Variants in RORB observed in about 807,000 individuals in gnomAD.
The protein encoded by RORB is RAR related orphan receptor B.
Under a neutral mutation model 59.1 loss-of-function variants are expected in RORB, and 6 were observed. That is an observed-to-expected ratio of 0.10 (90% CI 0.06 to 0.20). The LOEUF (loss-of-function observed/expected upper bound fraction) is 0.20, where lower values mean the gene tolerates loss of function less well. Among genes scored for constraint, RORB ranks in the 10% least tolerant of loss-of-function variants. RORB has a pLI of 1.00. For missense variants in RORB, 320 were observed against 560.5 expected (o/e 0.57, Z 4.33); for synonymous variants, 215 against 204.5 (o/e 1.05, Z -0.44).
At chr9:74,607,773 A>G (rs1317737997) in intron 1 of RORB, among the ~76,000 whole-genome samples, 1 of 152,296 alleles carries the variant, frequency 6.6e-6, no homozygotes, top group East Asian at 1.9e-4. Flanking sequence ...GTAAAGTGGT[A>G]TCATTGGTAG....
At chr9:74,640,172 C>G (rs1004290027) in intron 3 of RORB, among the ~76,000 whole-genome samples, 1 of 152,156 alleles carries the variant, frequency 6.6e-6, no homozygotes, top group Non-Finnish European at 1.5e-5. Flanking sequence ...ATAATTATCA[C>G]TTTGTTTTCC....
intron 1 of RORB, among the ~76,000 whole-genome samples, chr9:74,594,291 A>G (rs1170144586): frequency 6.6e-6 from 1 of 152,178 alleles, no homozygotes; most frequent in Non-Finnish European, 1.5e-5. Context: ...AGCACTGCCC[A>G]TGATGCATCC....
intron 1 of RORB, among the ~76,000 whole-genome samples, chr9:74,597,509 T>A (rs1211404433): frequency 2.0e-5 from 3 of 152,230 alleles, no homozygotes; most frequent in African/African-American, 7.2e-5. Context: ...CATAACTATA[T>A]CATTTTGGCA....
At chr9:74,536,232 A>G (rs1275694936) in intron 1 of RORB, among the ~76,000 whole-genome samples, 1 of 151,966 alleles carries the variant, frequency 6.6e-6, no homozygotes, top group East Asian at 1.9e-4. Flanking sequence ...TTACTGTGCT[A>G]AAAAAGGGCG....
rs1247870429 is a variant in RORB, at chr9:74,666,810, T to G, written c.1001-981T>G. Among the ~76,000 whole-genome samples, 3 of 152,176 alleles carry G rather than the reference T, an allele frequency of 2.0e-5. No individual in the cohort carries two copies. The East Asian group carries it at 5.8e-4, about 29-fold the overall frequency. On this transcript the variant is annotated intron_variant, in intron 7 of 9. Coordinates refer to ENST00000376896, the MANE Select transcript of RORB (RefSeq NM_006914.4). ...AACAGAGTCAGTCTTTGTTTGGAAG[T>G]GTTATATATCATCACATCCAGTCAT...
At chr9:74,533,052 G>A (rs1044702439) in intron 1 of RORB, among the ~76,000 whole-genome samples, 1 of 151,666 alleles carries the variant, frequency 6.6e-6, no homozygotes. Flanking sequence ...TCTTGAGATA[G>A]GCATCATTTT....
chr9:74,498,241 C>T (rs1825741522), intron 1 of RORB: 2 of 577,882 alleles, frequency 3.5e-6, no homozygotes, highest in Non-Finnish European at 6.2e-6. Context: ...TTGGTTCTTA[C>T]CAGTCCTTGA....
intron 5 of RORB, 31 bp downstream of exon 5, chr9:74,660,769 T>G (rs753753685): frequency 6.2e-7 from 1 of 1,601,910 alleles, no homozygotes; most frequent in Middle Eastern, 1.7e-4. Context: ...AAAGTTTTTC[T>G]GTGATTACCC....
At chr9:74,630,133 AT>A in intron 1 of RORB, 148 bp from the exon 2 acceptor site, 1 of 920,488 alleles carries the variant, frequency 1.1e-6, no homozygotes, top group Non-Finnish European at 1.5e-6. Context: ...AGCCATGCAA[AT>A]ACTAATGGAT....
At chr9:74,674,237 G>A (rs1463217150) in intron 9 of RORB, among the ~76,000 whole-genome samples, 2 of 152,134 alleles carry the variant, frequency 1.3e-5, no homozygotes, top group Non-Finnish European at 2.9e-5. Context: ...TTATGCCATT[G>A]TAGTCATGGA....
chr9:74,681,556 C>T (rs1824547631), intron 9 of RORB, among the ~76,000 whole-genome samples: 1 of 152,186 alleles, frequency 6.6e-6, no homozygotes, highest in African/African-American at 2.4e-5. Context: ...CCATCCAGCC[C>T]ATTCTATAGA....
chr9:74,630,128 T>C, intron 1 of RORB, 154 bp from the exon 2 acceptor site: 4 of 542,120 alleles, frequency 7.4e-6, no homozygotes, highest in Non-Finnish European at 9.4e-6. Context: ...AGGACAGCCA[T>C]GCAAATACTA....
chr9:74,651,507 C>T lies in RORB; in HGVS notation c.637+8692C>T, dbSNP rs536987039. 8.7e-5 allele frequency among the ~76,000 whole-genome samples: 13 copies of T among 149,820 alleles called. No homozygotes were observed. In the East Asian group the frequency reaches 2.2e-3, roughly 25 times the overall value. On this transcript the variant is annotated intron_variant, in intron 4 of 9. Coordinates refer to ENST00000376896, the MANE Select transcript of RORB (RefSeq NM_006914.4). ...CCAAGATTGCACCACTGCACTTCAGCCTGGGTGACAGAGTGGGACTCTGTC... is the reference window on the plus strand; with the variant it reads ...CCAAGATTGCACCACTGCACTTCAGTCTGGGTGACAGAGTGGGACTCTGTC...
intron 4 of RORB, among the ~76,000 whole-genome samples, chr9:74,657,211 AATTT>A (rs575383495): frequency 2.4e-4 from 37 of 151,904 alleles, no homozygotes; most frequent in Non-Finnish European, 4.0e-4. Context: ...ATGCCCAGCT[AATTT>A]ATTTATTTAT....
chr9:74,604,905 T>A lies in RORB; in HGVS notation c.8-25377T>A, dbSNP rs187347350. On this transcript the variant is annotated intron_variant, in intron 1 of 9. Coordinates refer to ENST00000376896, the MANE Select transcript of RORB (RefSeq NM_006914.4). ...CTTGAACAACTAGTAAGTGTTAAGG[T>A]TAAGAAACAAAAAGTAAATAAAATG... Among the ~76,000 whole-genome samples the A allele has an allele frequency of 1.6e-4, 24 of 152,306 alleles. No individual in the cohort carries two copies. In the East Asian group the frequency reaches 4.4e-3, roughly 28 times the overall value.
chr9:74,522,526 A>G (rs1176819131), intron 1 of RORB, among the ~76,000 whole-genome samples: 2 of 151,816 alleles, frequency 1.3e-5, no homozygotes, highest in Non-Finnish European at 2.9e-5. Context: ...TTATTAACCC[A>G]ATAACTGATC....
chr9:74,497,960 G>A lies in RORB; in HGVS notation c.-17G>A, dbSNP rs1279183290. The A allele has an allele frequency of 1.9e-6, 3 of 1,611,848 alleles. No individual in the cohort carries two copies. The Admixed American group carries it at 5.0e-5, about 27-fold the overall frequency. ...GAGCAGCTTCATGACTACGCGGAGC[G>A]GGAGAGCGGCCACACCATGCGAGGT... On this transcript the variant is annotated 5_prime_UTR_variant, in exon 1 of 10. Coordinates refer to ENST00000376896, the MANE Select transcript of RORB (RefSeq NM_006914.4).
intron 1 of RORB, 31 bp from the exon 2 acceptor site, chr9:74,630,251 T>C (rs771304383): frequency 1.2e-6 from 2 of 1,608,814 alleles, no homozygotes; most frequent in East Asian, 2.2e-5. Context: ...AAAACATCTG[T>C]ATGCTCAAAA....
At chr9:74,634,882 G>A in intron 3 of RORB, 110 bp downstream of exon 3, 1 of 1,029,104 alleles carries the variant, frequency 9.7e-7, no homozygotes, top group Non-Finnish European at 1.4e-6. Flanking sequence ...GGGATAAGAA[G>A]AAAAGAAAAT....
Sources: allele counts gnomAD v4.1 joint callset (sites outside exome capture counted in the v4.1 genomes callset), GRCh38; gene constraint gnomAD v4.1.1; transcripts MANE v1.5; gene names NCBI Gene and HGNC (gene_info 2026-07-23, HGNC 2026-07-21).